The following PHKB variants were observed in gnomAD, a reference collection of about 807,000 sequenced individuals.
PHKB encodes the protein phosphorylase kinase regulatory subunit beta, also known as phosphorylase b kinase regulatory subunit beta.
PHKB carries 122 observed loss-of-function variants against 152.1 expected under a neutral mutation model. The observed-to-expected ratio is 0.80, with a 90% CI of 0.69 to 0.93. PHKB has a LOEUF of 0.93. PHKB is among the 40% of genes least tolerant of loss of function. PHKB has a pLI of 0.00. For missense variants in PHKB, 1,304 were observed against 1,328.4 expected, an observed-to-expected ratio of 0.98 and a Z score of 0.29; for synonymous variants, 436 against 464.9, an observed-to-expected ratio of 0.94 and a Z score of 0.80.
chr16:47,638,083 T>C (rs1232404624), intron 14 of PHKB, among the ~76,000 whole-genome samples: 1 of 151,916 alleles, frequency 6.6e-6, no homozygotes, highest in Non-Finnish European at 1.5e-5. Flanking sequence ...TACCATCACC[T>C]TGGGGGCTAA....
chr16:47,539,021 A>G (rs1324712313), intron 6 of PHKB, among the ~76,000 whole-genome samples: 1 of 152,248 alleles, frequency 6.6e-6, no homozygotes, highest in Non-Finnish European at 1.5e-5. Flanking sequence ...ACCTAACACG[A>G]TGACTAAATT....
At chr16:47,635,614 C>T (rs1022591884) in intron 14 of PHKB, among the ~76,000 whole-genome samples, 2 of 152,154 alleles carry the variant, frequency 1.3e-5, no homozygotes, top group African/African-American at 4.8e-5. Context: ...TCTAAGGCAC[C>T]TATCAGATGA....
rs116664283 is a variant in PHKB, at chr16:47,517,066, A to G, written c.594+1465A>G. On this transcript the variant is annotated intron_variant, in intron 6 of 30. Coordinates refer to ENST00000323584, the MANE Select transcript of PHKB (RefSeq NM_000293.3). ...CATGCCAATATATAAAACAAATAAAAGAAGCATGACTCTGACTGAGGAGAG... is the reference window on the plus strand; with the variant it reads ...CATGCCAATATATAAAACAAATAAAGGAAGCATGACTCTGACTGAGGAGAG... Among the ~76,000 whole-genome samples the G allele has an allele frequency of 3.7e-3, 567 of 152,232 alleles. 5 individuals carry two copies. Among genetic ancestry groups the G allele is most frequent in the African/African-American group, 0.013 (555 of 41,534 alleles).
intron 1 of PHKB, among the ~76,000 whole-genome samples, chr16:47,487,270 T>G (rs955176739): frequency 6.6e-6 from 1 of 152,178 alleles, no homozygotes; most frequent in African/African-American, 2.4e-5. Context: ...TTGCAGACAT[T>G]AATGCAACTA....
At chr16:47,564,621 A>G (rs72800665) in intron 7 of PHKB, among the ~76,000 whole-genome samples, 418 of 152,170 alleles carry the variant, frequency 2.7e-3, no homozygotes, top group Non-Finnish European at 3.9e-3. Context: ...CATGTCATTT[A>G]CAGGTTTTTG....
At chr16:47,574,922 C>A (rs7197659) in intron 7 of PHKB, among the ~76,000 whole-genome samples, 1 of 152,110 alleles carries the variant, frequency 6.6e-6, no homozygotes, top group African/African-American at 2.4e-5. Context: ...TTTTTATTTC[C>A]TTTTCTTGCC....
chr16:47,502,172 T>A (rs1970334760), intron 3 of PHKB, among the ~76,000 whole-genome samples: 1 of 152,144 alleles, frequency 6.6e-6, no homozygotes, highest in African/African-American at 2.4e-5. Flanking sequence ...TTGCCAGATA[T>A]TTTTAGTTAA....
chr16:47,545,185 G>A (rs1218694101), intron 6 of PHKB, among the ~76,000 whole-genome samples: 1 of 152,170 alleles, frequency 6.6e-6, no homozygotes, highest in Non-Finnish European at 1.5e-5. Flanking sequence ...TTTCTTCCTA[G>A]CATCGATGGT....
At chr16:47,587,417 A>C (rs545295595) in intron 8 of PHKB, among the ~76,000 whole-genome samples, 2 of 152,368 alleles carry the variant, frequency 1.3e-5, no homozygotes, top group East Asian at 3.9e-4. Context: ...TAATCAGTAC[A>C]TTTTGATTTA....
chr16:47,531,808 A>G (rs1412773215), intron 6 of PHKB, among the ~76,000 whole-genome samples: 1 of 152,232 alleles, frequency 6.6e-6, no homozygotes, highest in Non-Finnish European at 1.5e-5. Context: ...TCTGAGAACT[A>G]CTATTGGAGA....
chr16:47,473,043 T>G (rs573244778), intron 1 of PHKB, among the ~76,000 whole-genome samples: 9 of 143,580 alleles, frequency 6.3e-5, no homozygotes, highest in East Asian at 6.0e-4. Flanking sequence ...AGGATCTGTG[T>G]TTTTTTTTTT....
At chr16:47,634,065 T>G (rs1206425844) in intron 14 of PHKB, among the ~76,000 whole-genome samples, 4 of 152,030 alleles carry the variant, frequency 2.6e-5, no homozygotes, top group African/African-American at 9.7e-5. Context: ...AGATGGCTAA[T>G]TTTTTTTGGA....
chr16:47,683,892 G>A (rs763984501), intron 26 of PHKB, among the ~76,000 whole-genome samples: 2 of 152,136 alleles, frequency 1.3e-5, no homozygotes, highest in South Asian at 2.1e-4. Flanking sequence ...GTTCCTATTC[G>A]GCCATCTTGG....
At chr16:47,568,048 G>A (rs1330953558) in intron 7 of PHKB, among the ~76,000 whole-genome samples, 1 of 152,096 alleles carries the variant, frequency 6.6e-6, no homozygotes, top group Non-Finnish European at 1.5e-5. Flanking sequence ...GGGTGATACC[G>A]ACTTTGTAGA....
At position 47,641,582 on chromosome 16, in the gene PHKB, A is replaced by G; in HGVS notation, c.1515-17A>G. 1 of 1,311,958 alleles carries G rather than the reference A, an allele frequency of 7.6e-7. No individual in the cohort carries two copies. The highest frequency in any genetic ancestry group is 1.1e-6 in the Non-Finnish European group (1 of 904,200). The allele number at this position is 1,311,958 out of a possible 1,614,324, so 81.3% of individuals were successfully genotyped here. On this transcript the variant is annotated splice_polypyrimidine_tract_variant and intron_variant, in intron 15 of 30. Coordinates refer to ENST00000323584, the MANE Select transcript of PHKB (RefSeq NM_000293.3). The stretch of plus-strand genomic sequence containing the variant: ...GCATTGTCTTAAAACGTCTCTTTTT[A>G]TCCCTATGATCTTTAGACTTCAAGT...
At chr16:47,525,614 A>G (rs1025845696) in intron 6 of PHKB, among the ~76,000 whole-genome samples, 11 of 152,220 alleles carry the variant, frequency 7.2e-5, no homozygotes, top group African/African-American at 2.7e-4. Flanking sequence ...GTGTTAATCC[A>G]TTAATCTGCC....
intron 6 of PHKB, among the ~76,000 whole-genome samples, chr16:47,543,543 C>T (rs972930515): frequency 6.6e-6 from 1 of 152,130 alleles, no homozygotes; most frequent in Non-Finnish European, 1.5e-5. Flanking sequence ...TTCCCTCTTT[C>T]TCTATTGATT....
chr16:47,647,281 G>A (rs1205016387), intron 16 of PHKB, among the ~76,000 whole-genome samples: 2 of 151,862 alleles, frequency 1.3e-5, no homozygotes, highest in African/African-American at 2.4e-5. Flanking sequence ...GTGTCACCAC[G>A]CCCGGCTAAT....
At chr16:47,642,388 G>T (rs970838750) in intron 16 of PHKB, among the ~76,000 whole-genome samples, 5 of 152,098 alleles carry the variant, frequency 3.3e-5, no homozygotes, top group African/African-American at 1.2e-4. Flanking sequence ...TCTGCAGATG[G>T]ATCCATTATT....
Sources: allele counts gnomAD v4.1 joint callset (sites outside exome capture counted in the v4.1 genomes callset), GRCh38; gene constraint gnomAD v4.1.1; transcripts MANE v1.5; gene names NCBI Gene and HGNC (gene_info 2026-07-23, HGNC 2026-07-21).